Variants in GLIS1 observed in about 807,000 individuals in gnomAD.
GLIS1 encodes GLIS family zinc finger 1.
In GLIS1, 24 loss-of-function variants were observed where a neutral mutation model predicts 63.8. The observed-to-expected ratio is 0.38, with a 90% CI of 0.27 to 0.53. The LOEUF (loss-of-function observed/expected upper bound fraction) is 0.53, where lower values mean the gene tolerates loss of function less well. Ranked by LOEUF, GLIS1 falls within the 20% of genes least tolerant of loss-of-function variation. GLIS1 has a pLI of 0.85. For missense variants in GLIS1, 1,036 were observed against 1,074.1 expected, an observed-to-expected ratio of 0.96 and a Z score of 0.50; for synonymous variants, 450 against 482.5, an observed-to-expected ratio of 0.93 and a Z score of 0.88.
chr1:53,549,407 T>C (rs1211361133), intron 4 of GLIS1, among the ~76,000 whole-genome samples: 2 of 152,168 alleles, frequency 1.3e-5, no homozygotes, highest in Admixed American at 6.5e-5. Context: ...GGTACAAGAG[T>C]TCCACTTTCT....
At position 53,594,844 on chromosome 1, in the gene GLIS1, A is replaced by G. The variant is rs1446579629; in HGVS notation, c.584T>C (p.Leu195Pro). Reference sequence around the variant, plus strand: ...GCCCGGGAGGTCCAGGTCTGGGTGCAGGCCAGTGGCCAGCGGGCCCCGACA... The same window carrying G: ...GCCCGGGAGGTCCAGGTCTGGGTGCGGGCCAGTGGCCAGCGGGCCCCGACA... ...AHCRGPLATG[L>P]HPDLDLPGRS... Residue 195 changes from leucine to proline, a missense_variant, in exon 4 of 11, where the codon CTG (leucine) becomes CCG (proline). Around this residue, in one of 3 missense-constraint regions of GLIS1, gnomAD observed 592 missense variants for 593.9 expected, o/e 1.00. Transcript: ENST00000628545. 6.3e-7 allele frequency: 1 copy of G among 1,599,392 alleles called. No homozygotes were observed. Among genetic ancestry groups the G allele is most frequent in the Non-Finnish European group, 8.5e-7 (1 of 1,175,360 alleles).
At chr1:53,652,008 G>A (rs538113506) in intron 2 of GLIS1, among the ~76,000 whole-genome samples, 27 of 152,312 alleles carry the variant, frequency 1.8e-4, no homozygotes, top group Admixed American at 1.3e-3. Flanking sequence ...GAGTTATGCA[G>A]GCAGCAAGTA....
At chr1:53,597,176 T>TAAAAAAA (rs57607550) in intron 3 of GLIS1, among the ~76,000 whole-genome samples, 2 of 19,326 alleles carry the variant, frequency 1.0e-4, no homozygotes, top group East Asian at 2.7e-3. Context: ...CTGTCTCTAC[T>TAAAAAAA]AAAAAAAAAA....
chr1:53,694,889 C>A (rs1187269147), intron 2 of GLIS1, among the ~76,000 whole-genome samples: 2 of 152,108 alleles, frequency 1.3e-5, no homozygotes, highest in Non-Finnish European at 2.9e-5. Context: ...CGGCTCCGAT[C>A]GTGCCTGCAA....
intron 2 of GLIS1, among the ~76,000 whole-genome samples, chr1:53,688,120 C>T (rs1646360838): frequency 6.6e-6 from 1 of 152,212 alleles, no homozygotes; most frequent in Non-Finnish European, 1.5e-5. Context: ...AGGCTCTGGC[C>T]CTGTGTGTGG....
intron 10 of GLIS1, among the ~76,000 whole-genome samples, chr1:53,507,822 C>G (rs1255303507): frequency 6.6e-6 from 1 of 152,192 alleles, no homozygotes; most frequent in Non-Finnish European, 1.5e-5. Context: ...CATTCTAAGC[C>G]TTGCTGCTCA....
chr1:53,513,169 C>T (rs917131193), intron 8 of GLIS1, among the ~76,000 whole-genome samples: 5 of 152,114 alleles, frequency 3.3e-5, no homozygotes, highest in Non-Finnish European at 5.9e-5. Context: ...GAGGCCTCCT[C>T]CTCTCCCTGC....
At chr1:53,623,323 GAC>G (rs1230933269) in intron 2 of GLIS1, among the ~76,000 whole-genome samples, 2 of 152,086 alleles carry the variant, frequency 1.3e-5, no homozygotes, top group Non-Finnish European at 2.9e-5. Flanking sequence ...CAGCTCCATA[GAC>G]ACAGAAAAAG....
chr1:53,644,308 T>C (rs1526908), intron 2 of GLIS1, among the ~76,000 whole-genome samples: 144,954 of 152,294 alleles, frequency 0.95, 69,266 homozygotes, highest in East Asian at 1. Context: ...GATAAATCAC[T>C]ATTTATCATA....
chr1:53,723,546 G>T (rs888469628), intron 2 of GLIS1, among the ~76,000 whole-genome samples: 11 of 152,048 alleles, frequency 7.2e-5, no homozygotes, highest in African/African-American at 2.7e-4. Flanking sequence ...AAATTTAAAT[G>T]TAAGTAATAA....
intron 3 of GLIS1, among the ~76,000 whole-genome samples, chr1:53,599,017 G>A (rs556896030): frequency 2.0e-5 from 3 of 152,278 alleles, no homozygotes; most frequent in African/African-American, 7.2e-5. Flanking sequence ...ACTGCAAACC[G>A]GCAACTGGGC....
At chr1:53,704,512 T>C (rs1646556556) in intron 2 of GLIS1, among the ~76,000 whole-genome samples, 1 of 151,144 alleles carries the variant, frequency 6.6e-6, no homozygotes, top group Non-Finnish European at 1.5e-5. Flanking sequence ...CCTGCCACCC[T>C]GGGCCTGGGT....
chr1:53,573,337 G>A (rs141434791), intron 4 of GLIS1, among the ~76,000 whole-genome samples: 3 of 152,024 alleles, frequency 2.0e-5, no homozygotes, highest in Non-Finnish European at 4.4e-5. Context: ...TTGAGAATGG[G>A]GGAAGGACAG....
chr1:53,671,985 G>A (rs1646157240), intron 2 of GLIS1, among the ~76,000 whole-genome samples: 1 of 152,178 alleles, frequency 6.6e-6, no homozygotes, highest in Admixed American at 6.5e-5. Context: ...TGTAGGATGA[G>A]GAAATTCTCA....
intron 2 of GLIS1, among the ~76,000 whole-genome samples, chr1:53,602,599 C>T (rs1028483255): frequency 1.3e-5 from 2 of 152,184 alleles, no homozygotes; most frequent in Non-Finnish European, 2.9e-5. Context: ...ACAGCCAGCA[C>T]CTACCAAGCC....
At chr1:53,519,789 G>C (rs2100290147) in intron 7 of GLIS1, among the ~76,000 whole-genome samples, 1 of 152,358 alleles carries the variant, frequency 6.6e-6, no homozygotes, top group Admixed American at 6.5e-5. Flanking sequence ...CGATGAGCTG[G>C]AAGTGATCTG....
At chr1:53,678,308 C>T (rs1288487257) in intron 2 of GLIS1, among the ~76,000 whole-genome samples, 1 of 37,822 alleles carries the variant, frequency 2.6e-5, no homozygotes, top group Non-Finnish European at 5.0e-5. Flanking sequence ...TCTCAGGTGG[C>T]CTGGGAGTGC....
intron 4 of GLIS1, among the ~76,000 whole-genome samples, chr1:53,585,948 G>A (rs1490995735): frequency 6.6e-6 from 1 of 152,232 alleles, no homozygotes; most frequent in East Asian, 1.9e-4. Context: ...GGAGTGAAGT[G>A]TCTTGTCCAA....
intron 3 of GLIS1, among the ~76,000 whole-genome samples, chr1:53,597,622 C>T (rs973642368): frequency 1.3e-5 from 2 of 151,978 alleles, no homozygotes; most frequent in Admixed American, 6.6e-5. Flanking sequence ...GGGCAGGCGC[C>T]GAGAGTGGAG....
Sources: gnomAD v4.1 joint callset for allele counts (sites outside exome capture counted in the v4.1 genomes callset) on GRCh38, gnomAD v4.1.1 for gene constraint, gnomAD v4.1.1 regional missense constraint, MANE v1.5 for transcripts, NCBI Gene and HGNC (gene_info 2026-07-23, HGNC 2026-07-21) for gene names.